The following CAST variants were observed in gnomAD, a reference collection of about 807,000 sequenced individuals.
The protein encoded by CAST is MIR583 host.
In CAST, 76 loss-of-function variants were observed where a neutral mutation model predicts 119.6. The observed-to-expected ratio is 0.64, with a 90% CI of 0.53 to 0.77. The LOEUF (loss-of-function observed/expected upper bound fraction) is 0.77. CAST is among the 30% of genes least tolerant of loss of function. The pLI is 0.00. For missense variants in CAST, 953 were observed against 946.5 expected (o/e 1.01, Z -0.09); for synonymous variants, 319 against 331.6 (o/e 0.96, Z 0.41).
the CAST span, among the ~76,000 whole-genome samples, chr5:96,256,303 A>G: frequency 4.7e-5 from 7 of 148,222 alleles, no homozygotes; most frequent in Admixed American, 4.1e-4. Context: ...CAGTTTATAC[A>G]GTATATTTGT....
the CAST span, among the ~76,000 whole-genome samples, chr5:96,092,772 T>C: frequency 6.6e-6 from 1 of 152,214 alleles, no homozygotes; most frequent in Non-Finnish European, 1.5e-5. Context: ...TTTTCAGACA[T>C]GATCAAACCA....
chr5:96,750,545 A>T (rs1431903131), intron 19 of CAST, 42 bp from the exon 20 acceptor site: 1 of 1,320,418 alleles, frequency 7.6e-7, no homozygotes, highest in South Asian at 1.2e-5. Context: ...TTATTAACCA[A>T]ATATTTCTAA....
At chr5:96,410,936 C>T in the CAST span, 2 of 1,613,858 alleles carry the variant, frequency 1.2e-6, no homozygotes, top group Non-Finnish European at 1.7e-6. Flanking sequence ...CTCCCTGACG[C>T]CCCCCGTTTC....
At chr5:96,145,297 G>A in the CAST span, among the ~76,000 whole-genome samples, 16 of 152,170 alleles carry the variant, frequency 1.1e-4, no homozygotes, top group Admixed American at 1.0e-3. Context: ...TACATTTAGG[G>A]ATAAATGTGG....
the CAST span, among the ~76,000 whole-genome samples, chr5:96,406,487 C>G: frequency 6.6e-6 from 1 of 152,278 alleles, no homozygotes; most frequent in South Asian, 2.1e-4. Flanking sequence ...TCTTGCCAGC[C>G]CCTCCAAGTA....
At chr5:96,254,826 G>C in the CAST span, among the ~76,000 whole-genome samples, 4 of 152,012 alleles carry the variant, frequency 2.6e-5, no homozygotes, top group Non-Finnish European at 1.5e-5. Context: ...AAAAATTTCT[G>C]TCTTTAAGAA....
chr5:96,650,713 CTCTTACCCACTT>C (rs1236645751), intron 1 of CAST, among the ~76,000 whole-genome samples: 1 of 146,362 alleles, frequency 6.8e-6, no homozygotes, highest in Non-Finnish European at 1.5e-5. Flanking sequence ...GTCTCCCTAC[CTCTTACCCACTT>C]AATTGTGTGT....
chr5:96,345,164 A>C, the CAST span, among the ~76,000 whole-genome samples: 1 of 152,166 alleles, frequency 6.6e-6, no homozygotes, highest in Non-Finnish European at 1.5e-5. Flanking sequence ...GAGTCTTACC[A>C]GTCTCACTGG....
chr5:96,560,141 C>G (rs1324533695), intron 1 of CAST, among the ~76,000 whole-genome samples: 1 of 152,102 alleles, frequency 6.6e-6, no homozygotes, highest in Non-Finnish European at 1.5e-5. Flanking sequence ...GCTGGGAAAA[C>G]TGGCTAGCCA....
intron 6 of CAST, chr5:96,728,544 T>C (rs906056048): frequency 6.6e-6 from 1 of 152,078 alleles, no homozygotes; most frequent in Non-Finnish European, 1.5e-5. Flanking sequence ...TGGCGCCATC[T>C]TGGCTCACTG....
At chr5:96,037,697 T>C in the CAST span, among the ~76,000 whole-genome samples, 1 of 152,162 alleles carries the variant, frequency 6.6e-6, no homozygotes, top group African/African-American at 2.4e-5. Flanking sequence ...CCCCAACATT[T>C]AGTGGCTTAA....
At chr5:96,191,738 T>G in the CAST span, among the ~76,000 whole-genome samples, 1 of 152,148 alleles carries the variant, frequency 6.6e-6, no homozygotes, top group African/African-American at 2.4e-5. Context: ...CCCAGCTAAT[T>G]TTTGTATTTT....
chr5:96,076,877 A>T, the CAST span, among the ~76,000 whole-genome samples: 1 of 151,918 alleles, frequency 6.6e-6, no homozygotes, highest in Admixed American at 6.6e-5. Flanking sequence ...AACATTTAAA[A>T]GTTAATTAGT....
At chr5:96,676,713 C>T (rs111809027) in intron 2 of CAST, among the ~76,000 whole-genome samples, 4,209 of 150,872 alleles carry the variant, frequency 0.028, 91 homozygotes, top group Non-Finnish European at 0.041. Context: ...AGATAAATTT[C>T]CATTAAAAAA....
the CAST span, among the ~76,000 whole-genome samples, chr5:96,149,851 T>C: frequency 1.3e-5 from 2 of 152,234 alleles, no homozygotes; most frequent in Admixed American, 1.3e-4. Context: ...CTCTAAGATT[T>C]AAACTTAGGT....
chr5:96,360,443 T>C, the CAST span, among the ~76,000 whole-genome samples: 1 of 152,220 alleles, frequency 6.6e-6, no homozygotes, highest in South Asian at 2.1e-4. Flanking sequence ...CATTTTGCAC[T>C]GGTTTTCCTC....
At chr5:96,050,136 A>G in the CAST span, 1 of 152,432 alleles carries the variant, frequency 6.6e-6, no homozygotes, top group African/African-American at 2.4e-5. Context: ...GTTTTGCCAG[A>G]AACCCTTGAG....
the CAST span, among the ~76,000 whole-genome samples, chr5:96,320,399 G>T: frequency 2.0e-5 from 3 of 151,624 alleles, no homozygotes; most frequent in South Asian, 6.3e-4. Flanking sequence ...CACCACACCC[G>T]GCCAATTTTT....
the CAST span, among the ~76,000 whole-genome samples, chr5:96,502,150 A>G: frequency 1.3e-5 from 2 of 152,200 alleles, no homozygotes; most frequent in East Asian, 1.9e-4. Flanking sequence ...TTTCTCTCAC[A>G]GCACTCATAA....
Sources: allele counts gnomAD v4.1 joint callset (sites outside exome capture counted in the v4.1 genomes callset), GRCh38; gene constraint gnomAD v4.1.1; transcripts MANE v1.5; gene names NCBI Gene and HGNC (gene_info 2026-07-23, HGNC 2026-07-21).